The following MAP3K7CL variants were observed in gnomAD, a reference collection of about 807,000 sequenced individuals.
MAP3K7CL encodes MAP3K7 C-terminal like.
In MAP3K7CL, 16 loss-of-function variants were observed where a neutral mutation model predicts 18.6. The ratio of observed to expected loss-of-function variants is 0.86; its 90% CI spans 0.58 to 1.31. The LOEUF (loss-of-function observed/expected upper bound fraction) is 1.31, where lower values mean the gene tolerates loss of function less well. MAP3K7CL is among the 50% of genes most tolerant of loss of function. The pLI is 0.00. For synonymous variants in MAP3K7CL, 65 were observed against 66.8 expected, an observed-to-expected ratio of 0.97 and a Z score of 0.13; for missense variants, 163 against 174.4, an observed-to-expected ratio of 0.93 and a Z score of 0.37.
intron 4 of MAP3K7CL, among the ~76,000 whole-genome samples, chr21:29,117,423 T>C (rs890306264): frequency 8.5e-5 from 13 of 152,246 alleles, no homozygotes; most frequent in African/African-American, 2.9e-4. Context: ...GATAGAAATA[T>C]CTGATGCTCC....
intron 2 of MAP3K7CL, among the ~76,000 whole-genome samples, chr21:29,134,599 T>C (rs2086844207): frequency 6.6e-6 from 1 of 152,182 alleles, no homozygotes; most frequent in African/African-American, 2.4e-5. Flanking sequence ...GATCTGCCGT[T>C]GTACTGTGTC....
At chr21:29,102,860 G>T (rs1201266413) in intron 4 of MAP3K7CL, among the ~76,000 whole-genome samples, 1 of 152,136 alleles carries the variant, frequency 6.6e-6, no homozygotes, top group Non-Finnish European at 1.5e-5. Flanking sequence ...CTATAGAGGG[G>T]TCCATGTAAT....
intron 2 of MAP3K7CL, among the ~76,000 whole-genome samples, chr21:29,147,174 A>G (rs991387545): frequency 5.3e-5 from 8 of 152,132 alleles, no homozygotes; most frequent in Admixed American, 5.2e-4. Context: ...CTGTATATGC[A>G]TAGTATGTGT....
rs1297650391 is a variant in MAP3K7CL, at chr21:29,123,061, T to A, written c.371-26128T>A. On this transcript the variant is annotated intron_variant, in intron 4 of 6. Coordinates refer to the MAP3K7CL transcript ENST00000286791. ...ATACTGGAGAAGAAATGATCTTTTT[T>A]TTTTTTTTTTTTTTTTTTGAAATGG... 1.6e-3 allele frequency among the ~76,000 whole-genome samples: 228 copies of A among 144,096 alleles called. 1 individual carries two copies. In the East Asian group the frequency reaches 0.022, roughly 14 times the overall value. The allele number at this position is 144,096 out of a possible 152,430, so 94.5% of individuals were successfully genotyped here.
chr21:29,120,100 G>C (rs55671430), intron 4 of MAP3K7CL, among the ~76,000 whole-genome samples: 72,281 of 151,874 alleles, frequency 0.48, 17,526 homozygotes, highest in East Asian at 0.67. Context: ...TATGAAAACA[G>C]TTCTGGTTAT....
At position 29,133,378 on chromosome 21, in the gene MAP3K7CL, C is replaced by T. The variant is rs867523204; in HGVS notation, c.34C>T (p.Pro12Ser). The T allele has an allele frequency of 2.6e-6, 4 of 1,550,302 alleles. No homozygotes were observed. Among genetic ancestry groups the T allele is most frequent in the Non-Finnish European group, 3.5e-6 (4 of 1,146,766 alleles). The change falls in exon 2 of 5, where the codon CCT becomes TCT. Residue 12 changes from proline (P) to serine (S), a missense_variant. Physicochemically the swap from Pro to Ser is moderately conservative, Grantham distance 74. Transcript: ENST00000399928. ...ISTARVPADK[P>S]VRIAFSLNDA... ...CACAGCCAGGGTACCTGCTGACAAGCCTGTACGCATCGCCTTTAGCCTCAA... is the reference window on the plus strand; with the variant it reads ...CACAGCCAGGGTACCTGCTGACAAGTCTGTACGCATCGCCTTTAGCCTCAA...
At chr21:29,123,117 C>T (rs2086625953) in intron 4 of MAP3K7CL, among the ~76,000 whole-genome samples, 1 of 130,304 alleles carries the variant, frequency 7.7e-6, no homozygotes, top group Admixed American at 9.4e-5. Flanking sequence ...GGCTGAAGTG[C>T]AATGGCGTGA....
chr21:29,126,134 C>T (rs73899354), upstream of MAP3K7CL, among the ~76,000 whole-genome samples: 3,462 of 152,306 alleles, frequency 0.023, 128 homozygotes, highest in African/African-American at 0.078. Context: ...ATGTGCCATA[C>T]GGCACTGTGG....
At chr21:29,147,755 G>A (rs185991976) in intron 2 of MAP3K7CL, among the ~76,000 whole-genome samples, 15 of 150,918 alleles carry the variant, frequency 9.9e-5, no homozygotes, top group Admixed American at 9.9e-4. Context: ...ATGTATCTGT[G>A]CTGTATCTGT....
At chr21:29,118,580 G>T (rs955467696) in intron 4 of MAP3K7CL, among the ~76,000 whole-genome samples, 2 of 152,224 alleles carry the variant, frequency 1.3e-5, no homozygotes, top group African/African-American at 4.8e-5. Context: ...GGTTTTGGGA[G>T]GACAGGGGTT....
At chr21:29,110,399 G>GT (rs1247583513) in intron 4 of MAP3K7CL, among the ~76,000 whole-genome samples, 3 of 151,658 alleles carry the variant, frequency 2.0e-5, no homozygotes, top group Non-Finnish European at 4.4e-5. Context: ...TTTTATCTCT[G>GT]TATCTTTTTT....
rs141474438 is a variant in MAP3K7CL, at chr21:29,087,893, G to C, written c.57+1976G>C. Among the ~76,000 whole-genome samples, 289 of 151,866 alleles carry C rather than the reference G, an allele frequency of 1.9e-3. 4 individuals are homozygous for C. Among genetic ancestry groups the C allele is most frequent in the African/African-American group, 6.8e-3 (282 of 41,446 alleles). The stretch of plus-strand genomic sequence containing the variant: ...CAGGTGTGAGCCACCGCGCCCGGTC[G>C]TGCTCATTTTCTTAATGATCATGCT... On this transcript the variant is annotated intron_variant, in intron 1 of 6. Coordinates refer to the MAP3K7CL transcript ENST00000286791.
intron 4 of MAP3K7CL, among the ~76,000 whole-genome samples, chr21:29,167,828 T>C (rs1039796832): frequency 6.6e-6 from 1 of 151,756 alleles, no homozygotes; most frequent in Non-Finnish European, 1.5e-5. Context: ...GCCTCCCACG[T>C]AGCTGGGACT....
intron 4 of MAP3K7CL, among the ~76,000 whole-genome samples, chr21:29,100,959 G>C (rs549208362): frequency 6.6e-6 from 1 of 150,750 alleles, no homozygotes; most frequent in Non-Finnish European, 1.5e-5. Flanking sequence ...TGATCCGCCC[G>C]CCTCGGCCTC....
In MAP3K7CL at chr21:29,149,228, C is replaced by CA; in HGVS notation, c.111dup (p.Glu38ArgfsTer14). ...GAAGACTCCATTCCTTTGGTCTTTC[C>CA]AGAATTAGACCAGCAGCTACAGGTA... On this transcript the variant is annotated frameshift_variant, in exon 3 of 5. Coordinates refer to ENST00000399928, the MANE Select transcript of MAP3K7CL (RefSeq NM_001286620.2). LOFTEE classifies it high-confidence loss of function. 6.2e-7 allele frequency: 1 copy of CA among 1,613,836 alleles called. No individual in the cohort carries two copies. Among genetic ancestry groups the CA allele is most frequent in the Non-Finnish European group, 8.5e-7 (1 of 1,179,754 alleles).
At chr21:29,156,881 G>A (rs143009279) in intron 3 of MAP3K7CL, among the ~76,000 whole-genome samples, 204 of 152,280 alleles carry the variant, frequency 1.3e-3, no homozygotes, top group African/African-American at 4.4e-3. Flanking sequence ...AGTAGATTCC[G>A]TTGACCGGAG....
intron 4 of MAP3K7CL, among the ~76,000 whole-genome samples, chr21:29,107,286 G>T (rs936673788): frequency 9.9e-5 from 15 of 152,126 alleles, no homozygotes; most frequent in Non-Finnish European, 2.1e-4. Flanking sequence ...CTGCACTCTA[G>T]CCTGGGCAAC....
chr21:29,157,936 G>T (rs1156429984), intron 3 of MAP3K7CL, among the ~76,000 whole-genome samples: 1 of 152,176 alleles, frequency 6.6e-6, no homozygotes, highest in East Asian at 1.9e-4. Context: ...AATCCTTTAT[G>T]TAGAGTTCTA....
intron 4 of MAP3K7CL, among the ~76,000 whole-genome samples, chr21:29,166,824 G>A (rs1228172223): frequency 6.6e-6 from 1 of 152,142 alleles, no homozygotes; most frequent in African/African-American, 2.4e-5. Flanking sequence ...TTAATCGGTT[G>A]TTTGCACTTC....
Sources: allele counts gnomAD v4.1 joint callset (sites outside exome capture counted in the v4.1 genomes callset), GRCh38; gene constraint gnomAD v4.1.1; transcripts MANE v1.5; gene names NCBI Gene and HGNC (gene_info 2026-07-23, HGNC 2026-07-21).